The following BNC2 variants were observed in gnomAD, a reference collection of about 807,000 sequenced individuals.
BNC2 encodes zinc finger protein basonuclin-2.
In BNC2, 20 loss-of-function variants were observed where a neutral mutation model predicts 76.3. The ratio of observed to expected loss-of-function variants is 0.26; its 90% CI spans 0.18 to 0.38. The LOEUF (loss-of-function observed/expected upper bound fraction) is 0.38. Ranked by LOEUF, BNC2 falls within the 10% of genes least tolerant of loss-of-function variation. The pLI, the probability that BNC2 is intolerant of heterozygous loss-of-function variation, is 1.00. For missense variants in BNC2, 1,382 were observed against 1,399.8 expected, an observed-to-expected ratio of 0.99 and a Z score of 0.20; for synonymous variants, 582 against 514.8, an observed-to-expected ratio of 1.13 and a Z score of -1.77.
intron 1 of BNC2, among the ~76,000 whole-genome samples, chr9:16,752,761 C>T (rs995599186): frequency 6.6e-6 from 1 of 152,050 alleles, no homozygotes; most frequent in Non-Finnish European, 1.5e-5. Context: ...AATAACTTGC[C>T]GTATTTGTGC....
intron 5 of BNC2, among the ~76,000 whole-genome samples, chr9:16,548,463 T>G (rs1019750675): frequency 6.6e-6 from 1 of 151,358 alleles, no homozygotes; most frequent in Non-Finnish European, 1.5e-5. Flanking sequence ...TGGAGTGCAA[T>G]GGTACAATCT....
At chr9:16,678,261 C>CTTTCTCTTTTTTTTT (rs1473647913) in intron 3 of BNC2, among the ~76,000 whole-genome samples, 1 of 75,888 alleles carries the variant, frequency 1.3e-5, no homozygotes, top group African/African-American at 5.3e-5. Flanking sequence ...TGTTTTCTTT[C>CTTTCTCTTTTTTTTT]TTTTTCTTTT....
intron 1 of BNC2, among the ~76,000 whole-genome samples, chr9:16,844,557 G>C (rs1177104464): frequency 6.8e-6 from 1 of 147,976 alleles, no homozygotes; most frequent in Non-Finnish European, 1.5e-5. Flanking sequence ...GAGTGCAGTG[G>C]CGAGATCTCG....
intron 1 of BNC2, among the ~76,000 whole-genome samples, chr9:16,797,076 T>C (rs1018805657): frequency 2.9e-4 from 44 of 152,194 alleles, no homozygotes; most frequent in African/African-American, 9.9e-4. Context: ...AAAATGATGA[T>C]GATGACAATA....
chr9:16,748,280 G>A (rs1010069197), intron 1 of BNC2, among the ~76,000 whole-genome samples: 13 of 151,954 alleles, frequency 8.6e-5, no homozygotes, highest in African/African-American at 9.7e-5. Context: ...TTGGGAGGCC[G>A]AGGCAGGAAG....
chr9:16,478,450 C>T (rs1821974116), intron 5 of BNC2, among the ~76,000 whole-genome samples: 1 of 152,212 alleles, frequency 6.6e-6, no homozygotes. Flanking sequence ...TGAGCAAAGA[C>T]ACTTTTTCTT....
intron 6 of BNC2, among the ~76,000 whole-genome samples, chr9:16,430,699 T>C (rs963614694): frequency 3.3e-5 from 5 of 152,188 alleles, no homozygotes; most frequent in Non-Finnish European, 5.9e-5. Flanking sequence ...AAGCTAATAC[T>C]ATACATTTCT....
intron 3 of BNC2, among the ~76,000 whole-genome samples, chr9:16,712,570 G>T (rs1457806762): frequency 1.3e-5 from 2 of 152,128 alleles, no homozygotes; most frequent in Non-Finnish European, 2.9e-5. Context: ...ACTAAAAGAT[G>T]AGTATAATTT....
chr9:16,590,636 G>A (rs1313028001), intron 3 of BNC2, among the ~76,000 whole-genome samples: 8 of 152,036 alleles, frequency 5.3e-5, no homozygotes, highest in African/African-American at 1.4e-4. Context: ...GCGAAACCTC[G>A]TCTCTATAAA....
chr9:16,587,054 T>C (rs996279862), intron 3 of BNC2, among the ~76,000 whole-genome samples: 1 of 152,110 alleles, frequency 6.6e-6, no homozygotes, highest in Non-Finnish European at 1.5e-5. Flanking sequence ...TCTCAGAAAA[T>C]AGCATAAAGT....
chr9:16,785,266 A>C (rs775283056), intron 1 of BNC2, among the ~76,000 whole-genome samples: 49 of 152,054 alleles, frequency 3.2e-4, no homozygotes, highest in Non-Finnish European at 6.3e-4. Flanking sequence ...GAGGGCCTTC[A>C]CCTCCTGTTT....
At position 16,539,689 on chromosome 9, in the gene BNC2, AG is replaced by A. The variant is rs1390889508; in HGVS notation, c.669+12840del. On this transcript the variant is annotated intron_variant, in intron 5 of 6. Coordinates refer to ENST00000380672, the MANE Select transcript of BNC2 (RefSeq NM_017637.6). ...GAGGGAGGGAGGGAGGAAGGAAGGA[AG>A]GGAGAAAGGAAGGGAGGAAGGAAGG... 6.2e-5 allele frequency among the ~76,000 whole-genome samples: 7 copies of A among 113,450 alleles called. 1 individual carries two copies. Among genetic ancestry groups the A allele is most frequent in the African/African-American group, 3.1e-4 (7 of 22,334 alleles). 74.4% of individuals were successfully genotyped at this position (113,450 alleles called of 152,430 possible). A position where few individuals can be genotyped will look rare whatever the true frequency, so the allele number is the denominator to read the frequency against.
intron 3 of BNC2, among the ~76,000 whole-genome samples, chr9:16,648,265 T>G (rs1821691931): frequency 6.6e-6 from 1 of 152,234 alleles, no homozygotes; most frequent in Non-Finnish European, 1.5e-5. Context: ...CAGTTACTAC[T>G]GCCATACACT....
At chr9:16,732,326 AC>A (rs1211976416) in intron 2 of BNC2, among the ~76,000 whole-genome samples, 2 of 152,094 alleles carry the variant, frequency 1.3e-5, no homozygotes, top group African/African-American at 4.8e-5. Flanking sequence ...TCTTCTTTCT[AC>A]TTAATTTCTT....
chr9:16,421,650 G>A (rs545124925), intron 6 of BNC2, among the ~76,000 whole-genome samples: 2 of 152,306 alleles, frequency 1.3e-5, no homozygotes, highest in East Asian at 1.9e-4. Context: ...CTCTGACACA[G>A]TAATTCCCCG....
intron 1 of BNC2, among the ~76,000 whole-genome samples, chr9:16,793,052 AAAGT>A (rs1817556145): frequency 6.6e-6 from 1 of 152,226 alleles, no homozygotes; most frequent in Non-Finnish European, 1.5e-5. Context: ...CTTAGGAAAT[AAAGT>A]GAGTTTTCTT....
chr9:16,673,526 A>G (rs997297142), intron 3 of BNC2, among the ~76,000 whole-genome samples: 8 of 152,106 alleles, frequency 5.3e-5, no homozygotes, highest in African/African-American at 1.9e-4. Flanking sequence ...GGTCTTCTAT[A>G]TACACAAGTC....
intron 5 of BNC2, among the ~76,000 whole-genome samples, chr9:16,481,331 C>T (rs1296102553): frequency 6.6e-6 from 1 of 152,108 alleles, no homozygotes; most frequent in Non-Finnish European, 1.5e-5. Flanking sequence ...GGTCCCCTTC[C>T]ACATCGTGGA....
At chr9:16,467,420 T>C (rs1238986758) in intron 5 of BNC2, among the ~76,000 whole-genome samples, 1 of 148,136 alleles carries the variant, frequency 6.8e-6, no homozygotes, top group African/African-American at 2.5e-5. Flanking sequence ...TAGCAAAGAC[T>C]TGGAACCAAC....
Sources: allele counts gnomAD v4.1 joint callset (sites outside exome capture counted in the v4.1 genomes callset), GRCh38; gene constraint gnomAD v4.1.1; transcripts MANE v1.5; gene names NCBI Gene and HGNC (gene_info 2026-07-23, HGNC 2026-07-21).